AUH: variants seen among roughly 807,000 people sequenced by gnomAD.
The protein encoded by AUH is methylglutaconyl-CoA hydratase, mitochondrial.
Under a neutral mutation model 42.3 loss-of-function variants are expected in AUH, and 29 were observed. That is an observed-to-expected ratio of 0.69 (90% CI 0.51 to 0.93). AUH has a LOEUF of 0.93. Among genes scored for constraint, AUH ranks in the 40% least tolerant of loss-of-function variants. The pLI is 0.00. For synonymous variants in AUH, 174 were observed against 166.4 expected, an observed-to-expected ratio of 1.05 and a Z score of -0.35; for missense variants, 452 against 438.1, an observed-to-expected ratio of 1.03 and a Z score of -0.28.
chr9:91,361,165 A>T (rs949279880), intron 1 of AUH, among the ~76,000 whole-genome samples: 1 of 152,224 alleles, frequency 6.6e-6, no homozygotes, highest in Non-Finnish European at 1.5e-5. Context: ...AAGAGGAAAA[A>T]TTGTTCCAGC....
At chr9:91,347,815 A>C (rs1387960090) in intron 3 of AUH, among the ~76,000 whole-genome samples, 1 of 152,014 alleles carries the variant, frequency 6.6e-6, no homozygotes, top group Non-Finnish European at 1.5e-5. Flanking sequence ...AAAGGTACAA[A>C]CCATAAAAGG....
intron 6 of AUH, among the ~76,000 whole-genome samples, chr9:91,253,872 A>G (rs1389701557): frequency 6.6e-6 from 1 of 152,258 alleles, no homozygotes; most frequent in Non-Finnish European, 1.5e-5. Context: ...ACAAAATTGT[A>G]TTTTAATGGT....
intron 6 of AUH, among the ~76,000 whole-genome samples, chr9:91,255,284 C>T (rs1327124996): frequency 2.6e-5 from 4 of 152,140 alleles, no homozygotes; most frequent in African/African-American, 9.7e-5. Context: ...ACTCTAAGAG[C>T]GATCATCCAT....
intron 3 of AUH, chr9:91,343,082 T>G (rs538304536): frequency 6.6e-6 from 1 of 152,342 alleles, no homozygotes; most frequent in African/African-American, 2.4e-5. Context: ...ACCCTTTATG[T>G]TACCAGTGAG....
chr9:91,246,988 C>G (rs1035252528), intron 6 of AUH, among the ~76,000 whole-genome samples: 4 of 152,298 alleles, frequency 2.6e-5, no homozygotes, highest in Middle Eastern at 3.4e-3. Context: ...ATACCCAAGG[C>G]CTTGTTAAGC....
At chr9:91,241,050 A>G (rs73650973) in intron 6 of AUH, among the ~76,000 whole-genome samples, 81 of 152,338 alleles carry the variant, frequency 5.3e-4, no homozygotes, top group African/African-American at 1.9e-3. Context: ...GAAGGAAGAC[A>G]TTCAGAATCT....
intron 4 of AUH, among the ~76,000 whole-genome samples, chr9:91,321,064 A>G (rs1347796946): frequency 3.3e-5 from 5 of 152,214 alleles, no homozygotes; most frequent in Non-Finnish European, 1.5e-5. Flanking sequence ...TATCACATGC[A>G]GCAACTCTCT....
intron 6 of AUH, among the ~76,000 whole-genome samples, chr9:91,230,238 T>TG (rs1443000094): frequency 6.6e-6 from 1 of 152,204 alleles, no homozygotes; most frequent in Non-Finnish European, 1.5e-5. Flanking sequence ...CCATATTTCT[T>TG]GGAGGCTTTG....
intron 6 of AUH, among the ~76,000 whole-genome samples, chr9:91,245,291 G>A (rs1234629174): frequency 6.6e-6 from 1 of 152,150 alleles, no homozygotes; most frequent in Non-Finnish European, 1.5e-5. Context: ...GCAGAACTGT[G>A]AAAAGTATGA....
At chr9:91,260,765 G>T (rs1829666407) in intron 6 of AUH, among the ~76,000 whole-genome samples, 1 of 152,222 alleles carries the variant, frequency 6.6e-6, no homozygotes, top group East Asian at 1.9e-4. Flanking sequence ...TTGATAATAT[G>T]TATATACAAT....
At chr9:91,326,098 A>G (rs1587863495) in intron 3 of AUH, among the ~76,000 whole-genome samples, 1 of 152,242 alleles carries the variant, frequency 6.6e-6, no homozygotes, top group East Asian at 1.9e-4. Flanking sequence ...GAAGATCTTT[A>G]GCAAAATTAA....
At chr9:91,357,420 CA>C (rs1164678726) in intron 1 of AUH, 1 of 849,048 alleles carries the variant, frequency 1.2e-6, no homozygotes, top group Non-Finnish European at 1.4e-6. Flanking sequence ...TCAGTTTCCT[CA>C]GGAAGAAAAT....
At chr9:91,287,313 T>C (rs1200049218) in intron 6 of AUH, among the ~76,000 whole-genome samples, 1 of 152,102 alleles carries the variant, frequency 6.6e-6, no homozygotes, top group African/African-American at 2.4e-5. Flanking sequence ...TTCTAAATTG[T>C]CAAGATGATT....
chr9:91,310,697 G>A (rs907049428), intron 4 of AUH, among the ~76,000 whole-genome samples: 1 of 152,206 alleles, frequency 6.6e-6, no homozygotes, highest in Non-Finnish European at 1.5e-5. Context: ...CAGATCTTGT[G>A]ACCTCCTAAG....
At chr9:91,236,024 G>T (rs1828153889) in intron 6 of AUH, among the ~76,000 whole-genome samples, 2 of 152,152 alleles carry the variant, frequency 1.3e-5, no homozygotes, top group Admixed American at 1.3e-4. Flanking sequence ...TATTGTTTAA[G>T]CCAGCTGAAA....
chr9:91,226,326 T>C (rs1827476644), intron 6 of AUH, among the ~76,000 whole-genome samples: 2 of 146,880 alleles, frequency 1.4e-5, no homozygotes, highest in African/African-American at 2.5e-5. Flanking sequence ...TTTTCATGTG[T>C]TTTTTGGCTG....
intron 4 of AUH, among the ~76,000 whole-genome samples, chr9:91,323,844 A>G (rs1829775229): frequency 6.6e-6 from 1 of 152,206 alleles, no homozygotes; most frequent in African/African-American, 2.4e-5. Flanking sequence ...CACTATGGAT[A>G]GAAAGATTTA....
chr9:91,264,357 T>C (rs546510194), intron 6 of AUH, among the ~76,000 whole-genome samples: 1 of 152,330 alleles, frequency 6.6e-6, no homozygotes, highest in African/African-American at 2.4e-5. Context: ...GGATTTCTAA[T>C]TGCTTTTTTT....
intron 3 of AUH, among the ~76,000 whole-genome samples, chr9:91,334,188 A>G (rs1830530536): frequency 6.6e-6 from 1 of 152,206 alleles, no homozygotes; most frequent in Non-Finnish European, 1.5e-5. Context: ...CACTGCCTCC[A>G]GTACACGGCA....
Sources: allele counts gnomAD v4.1 joint callset (sites outside exome capture counted in the v4.1 genomes callset), GRCh38; gene constraint gnomAD v4.1.1; transcripts MANE v1.5; gene names NCBI Gene and HGNC (gene_info 2026-07-23, HGNC 2026-07-21).